SPATA6: variants seen among roughly 807,000 people sequenced by gnomAD.
The protein encoded by SPATA6 is spermatogenesis associated 6, also known as spermatogenesis-associated protein 6.
A neutral mutation model predicts 65.3 loss-of-function variants in SPATA6; 56 were observed. The observed-to-expected ratio is 0.86, with a 90% CI of 0.69 to 1.07. The LOEUF (loss-of-function observed/expected upper bound fraction) is 1.07. Among genes scored for constraint, SPATA6 ranks in the 50% least tolerant of loss-of-function variants. SPATA6 has a pLI of 0.00. For missense variants in SPATA6, 590 were observed against 594.8 expected, an observed-to-expected ratio of 0.99 and a Z score of 0.08; for synonymous variants, 199 against 213.2, an observed-to-expected ratio of 0.93 and a Z score of 0.58.
intron 1 of SPATA6, among the ~76,000 whole-genome samples, chr1:48,465,430 C>G (rs1246598053): frequency 6.6e-6 from 1 of 151,974 alleles, no homozygotes; most frequent in African/African-American, 2.4e-5. Flanking sequence ...AACCGGATAC[C>G]CTGAGACTCA....
At chr1:48,467,391 G>GAAAA in intron 1 of SPATA6, among the ~76,000 whole-genome samples, 1 of 151,968 alleles carries the variant, frequency 6.6e-6, no homozygotes, top group East Asian at 1.9e-4. Flanking sequence ...TAGTAATTGG[G>GAAAA]AAAAAACTGA....
Position 48,399,893 on chromosome 1 carries a change from A to G in SPATA6, c.487-249T>C, listed in dbSNP as rs1481563814. Reference sequence around the variant, plus strand: ...GTCCAACAAGGACTTTATAAAAATTAAAGCCCGATACTTAATCACTTGAAA... The same window carrying G: ...GTCCAACAAGGACTTTATAAAAATTGAAGCCCGATACTTAATCACTTGAAA... On this transcript the variant is annotated intron_variant, in intron 6 of 12. Coordinates refer to ENST00000371847, the MANE Select transcript of SPATA6 (RefSeq NM_019073.4). Among the ~76,000 whole-genome samples, 7 of 152,036 alleles carry G rather than the reference A, an allele frequency of 4.6e-5. No individual in the cohort carries two copies. In the East Asian group the frequency reaches 1.2e-3, roughly 25 times the overall value.
At chr1:48,432,059 G>C (rs1654456914) in intron 3 of SPATA6, among the ~76,000 whole-genome samples, 1 of 152,060 alleles carries the variant, frequency 6.6e-6, no homozygotes, top group Non-Finnish European at 1.5e-5. Flanking sequence ...GCAGTGAGCT[G>C]AGAACACACC....
intron 9 of SPATA6, among the ~76,000 whole-genome samples, chr1:48,360,129 T>C (rs541751728): frequency 1.3e-5 from 2 of 152,228 alleles, no homozygotes; most frequent in Non-Finnish European, 2.9e-5. Context: ...CAAACAGAAC[T>C]AGATTCAAAT....
intron 5 of SPATA6, among the ~76,000 whole-genome samples, chr1:48,408,445 G>A (rs1285295004): frequency 6.6e-6 from 1 of 152,054 alleles, no homozygotes; most frequent in African/African-American, 2.4e-5. Flanking sequence ...TTAATTTTAG[G>A]TGTATGAATA....
chr1:48,290,593 AG>A, downstream of SPATA6, among the ~76,000 whole-genome samples: 1 of 152,260 alleles, frequency 6.6e-6, no homozygotes, highest in East Asian at 1.9e-4. Context: ...TGCTGTATTC[AG>A]GAGACCCATC....
chr1:48,449,619 GA>G (rs1656373303), intron 3 of SPATA6, among the ~76,000 whole-genome samples: 1 of 152,124 alleles, frequency 6.6e-6, no homozygotes, highest in African/African-American at 2.4e-5. Context: ...ACTACTATAG[GA>G]AAAAAGAGAG....
chr1:48,283,902 G>GT, the SPATA6 span, among the ~76,000 whole-genome samples: 3 of 151,950 alleles, frequency 2.0e-5, no homozygotes, highest in Admixed American at 1.3e-4. Context: ...TGACAATTAT[G>GT]TGTCTTGGGG....
chr1:48,420,559 G>A (rs1455774015), intron 3 of SPATA6, among the ~76,000 whole-genome samples: 1 of 152,158 alleles, frequency 6.6e-6, no homozygotes, highest in African/African-American at 2.4e-5. Context: ...GGTATCTGCT[G>A]AAGAAGTTTA....
chr1:48,298,752 C>T lies in SPATA6; in HGVS notation c.1428G>A (p.Lys476=). 6.2e-7 allele frequency: 1 copy of T among 1,613,752 alleles called. No homozygotes were observed. Residue 476 remains lysine, a synonymous_variant, in exon 13 of 13, where the codon AAG becomes AAA. Coordinates refer to ENST00000371847, the MANE Select transcript of SPATA6 (RefSeq NM_019073.4). ...GTGTATGTGAAGCAGAACTACAGGC[C>T]TTTTTGTATAAGTTCCTGTACATCT... is the stretch of plus-strand genomic sequence containing the variant. ...MDKMYRNLYK[K]ACSSASHTQE...
intron 11 of SPATA6, among the ~76,000 whole-genome samples, chr1:48,317,253 C>G (rs1271369754): frequency 6.6e-6 from 1 of 152,096 alleles, no homozygotes; most frequent in African/African-American, 2.4e-5. Context: ...GCATTATTCA[C>G]AATAGCAAGA....
intron 9 of SPATA6, among the ~76,000 whole-genome samples, chr1:48,360,308 G>C (rs559944521): frequency 6.6e-6 from 1 of 152,072 alleles, no homozygotes; most frequent in African/African-American, 2.4e-5. Context: ...CCAAGATAAA[G>C]AACTAGAATA....
chr1:48,268,485 A>C, the SPATA6 span, among the ~76,000 whole-genome samples: 1 of 152,068 alleles, frequency 6.6e-6, no homozygotes, highest in Admixed American at 6.6e-5. Flanking sequence ...TAGAGTGATT[A>C]ACTTCTACCT....
rs78801173 is a variant in SPATA6, at chr1:48,381,580, C to T, written c.909+3729G>A. On this transcript the variant is annotated intron_variant, in intron 9 of 12. Transcript: ENST00000371847. ...AAATAGTTTAATAGTAGCACAAAAT[C>T]GTTTAAGAAAATAAATAGTTTAAGT... 8.2e-3 allele frequency among the ~76,000 whole-genome samples: 1,185 copies of T among 143,886 alleles called. 7 individuals carry two copies. Among genetic ancestry groups the T allele is most frequent in the Non-Finnish European group, 0.014 (903 of 66,872 alleles). 94.4% of individuals were successfully genotyped at this position (143,886 alleles called of 152,430 possible). A position where few individuals can be genotyped will look rare whatever the true frequency, so the allele number is the denominator to read the frequency against.
chr1:48,353,253 A>G (rs1483590237), intron 11 of SPATA6, among the ~76,000 whole-genome samples: 2 of 152,138 alleles, frequency 1.3e-5, no homozygotes, highest in East Asian at 3.9e-4. Context: ...TTCATGTTCC[A>G]ATATTATTCA....
At chr1:48,292,722 C>T (rs1644776500), downstream of SPATA6, among the ~76,000 whole-genome samples, 1 of 152,242 alleles carries the variant, frequency 6.6e-6, no homozygotes, top group South Asian at 2.1e-4. Flanking sequence ...CGCAGTGGTG[C>T]AAATAAGCAG....
intron 9 of SPATA6, among the ~76,000 whole-genome samples, chr1:48,362,225 GC>G (rs1266697484): frequency 2.6e-5 from 4 of 151,936 alleles, no homozygotes; most frequent in African/African-American, 9.7e-5. Flanking sequence ...CTGCACTCCA[GC>G]CTGGGTGACA....
chr1:48,301,144 A>G (rs904677181), intron 12 of SPATA6, among the ~76,000 whole-genome samples: 3 of 152,142 alleles, frequency 2.0e-5, no homozygotes, highest in African/African-American at 7.2e-5. Context: ...AAAAACATAA[A>G]GACTCCACCA....
At chr1:48,306,070 C>G (rs1483782264) in intron 11 of SPATA6, among the ~76,000 whole-genome samples, 192 bp from the exon 12 acceptor site, 2 of 151,924 alleles carry the variant, frequency 1.3e-5, no homozygotes, top group African/African-American at 2.4e-5. Flanking sequence ...CAAAACAATA[C>G]AGTTTTATTA....
Sources: gnomAD v4.1 joint callset for allele counts (sites outside exome capture counted in the v4.1 genomes callset) on GRCh38, gnomAD v4.1.1 for gene constraint, MANE v1.5 for transcripts, NCBI Gene and HGNC (gene_info 2026-07-23, HGNC 2026-07-21) for gene names.